The following ST7 variants were observed in gnomAD, a reference collection of about 807,000 sequenced individuals.
ST7 encodes suppressor of tumorigenicity 7 protein.
Under a neutral mutation model 78.7 loss-of-function variants are expected in ST7, and 28 were observed. The observed-to-expected ratio is 0.36, with a 90% CI of 0.26 to 0.49. The LOEUF is 0.49. Ranked by LOEUF, ST7 falls within the 20% of genes least tolerant of loss-of-function variation. The probability of loss-of-function intolerance (pLI) is 0.99; values close to 1 mark genes in which losing one functional copy is unlikely to be tolerated. For missense variants in ST7, 418 were observed against 696.0 expected (o/e 0.60, Z 4.49); for synonymous variants, 247 against 249.6 (o/e 0.99, Z 0.10).
chr7:117,143,853 G>A (rs1337065207), intron 9 of ST7, among the ~76,000 whole-genome samples: 1 of 152,044 alleles, frequency 6.6e-6, no homozygotes, highest in African/African-American at 2.4e-5. Context: ...TAAGTGAAGA[G>A]GAAAAGTATA....
At chr7:117,152,153 A>ATATATG (rs1356902037) in intron 9 of ST7, among the ~76,000 whole-genome samples, 39 of 133,336 alleles carry the variant, frequency 2.9e-4, no homozygotes, top group Non-Finnish European at 5.7e-4. Flanking sequence ...TATATATAAA[A>ATATATG]TATATGTATT....
At chr7:116,991,517 G>T (rs1320460602) in intron 1 of ST7, among the ~76,000 whole-genome samples, 1 of 152,108 alleles carries the variant, frequency 6.6e-6, no homozygotes, top group Non-Finnish European at 1.5e-5. Flanking sequence ...TGTGAGACTT[G>T]TTCACTACCA....
At chr7:117,204,693 G>A (rs1418863784) in intron 12 of ST7, among the ~76,000 whole-genome samples, 1 of 152,058 alleles carries the variant, frequency 6.6e-6, no homozygotes, top group African/African-American at 2.4e-5. Context: ...ACTCCTTATT[G>A]ATGTTTTAAA....
intron 12 of ST7, among the ~76,000 whole-genome samples, chr7:117,200,797 C>T (rs1810756829): frequency 6.9e-6 from 1 of 145,092 alleles, no homozygotes; most frequent in Non-Finnish European, 1.5e-5. Context: ...GACAGAAATG[C>T]ATTCCCATTA....
chr7:117,112,867 C>T (rs1040449562), intron 2 of ST7, among the ~76,000 whole-genome samples: 2 of 152,200 alleles, frequency 1.3e-5, no homozygotes, highest in Admixed American at 6.5e-5. Flanking sequence ...GAAATAGGCT[C>T]ATTTAACCTT....
intron 1 of ST7, among the ~76,000 whole-genome samples, chr7:117,065,361 A>C (rs551085014): frequency 2.0e-4 from 30 of 152,150 alleles, no homozygotes; most frequent in Non-Finnish European, 3.8e-4. Context: ...GGCACCCGCC[A>C]CCATGCCCGG....
chr7:117,010,883 G>A (rs1018034432), intron 1 of ST7, among the ~76,000 whole-genome samples: 6 of 152,286 alleles, frequency 3.9e-5, no homozygotes, highest in East Asian at 1.9e-4. Context: ...GTGGACTCGC[G>A]TGGCAGGCAC....
In ST7 at chr7:116,996,600, C is replaced by T. The variant is rs114295639; in HGVS notation, c.151+42909C>T. ...GCAGTTTAGGAATCTGTTATGTTCC[C>T]TACTCCAGTCCATTAGTTGTCATTT... On this transcript the variant is annotated intron_variant, in intron 1 of 15. Coordinates refer to ENST00000323984, the MANE Select transcript of ST7 (RefSeq NM_001369598.1). 1.5e-3 allele frequency among the ~76,000 whole-genome samples: 234 copies of T among 152,270 alleles called. 1 individual carries two copies. The highest frequency in any genetic ancestry group is 5.4e-3 in the African/African-American group (226 of 41,552).
chr7:117,048,276 T>A (rs1797595310), intron 1 of ST7, among the ~76,000 whole-genome samples: 1 of 152,128 alleles, frequency 6.6e-6, no homozygotes, highest in African/African-American at 2.4e-5. Context: ...CAAAAATACA[T>A]CATAATTTCT....
At chr7:117,148,981 G>A (rs181581758) in intron 9 of ST7, among the ~76,000 whole-genome samples, 1 of 152,268 alleles carries the variant, frequency 6.6e-6, no homozygotes, top group African/African-American at 2.4e-5. Flanking sequence ...CAGAAAACAG[G>A]CAAAGCCAGC....
At chr7:117,117,939 A>T (rs1185306319) in intron 2 of ST7, 1 of 152,168 alleles carries the variant, frequency 6.6e-6, no homozygotes, top group Non-Finnish European at 1.5e-5. Context: ...ATGGTGTGTA[A>T]ATTTATCATT....
chr7:117,197,474 G>A (rs773029872), intron 12 of ST7, among the ~76,000 whole-genome samples: 12 of 152,188 alleles, frequency 7.9e-5, no homozygotes, highest in Non-Finnish European at 1.3e-4. Context: ...ATGTGTAGAA[G>A]CACTTAAGGC....
intron 1 of ST7, among the ~76,000 whole-genome samples, chr7:117,040,110 A>G (rs1797129669): frequency 1.3e-5 from 2 of 152,210 alleles, no homozygotes; most frequent in Admixed American, 6.5e-5. Context: ...TCGGTGGCTC[A>G]CGCCTGTAAT....
chr7:117,028,868 G>T (rs750399596), intron 1 of ST7, among the ~76,000 whole-genome samples: 35 of 152,078 alleles, frequency 2.3e-4, no homozygotes, highest in Non-Finnish European at 4.3e-4. Flanking sequence ...GCTCAGCTGG[G>T]GTTGTGGGCA....
intron 1 of ST7, among the ~76,000 whole-genome samples, chr7:116,963,606 G>A (rs1792942212): frequency 6.6e-6 from 1 of 151,506 alleles, no homozygotes; most frequent in African/African-American, 2.4e-5. Flanking sequence ...ACTCTGTGGA[G>A]AACCCTAACT....
At chr7:117,067,494 G>T (rs1485131736) in intron 1 of ST7, among the ~76,000 whole-genome samples, 1 of 152,012 alleles carries the variant, frequency 6.6e-6, no homozygotes, top group Non-Finnish European at 1.5e-5. Context: ...GAGCAGGGTG[G>T]GTAGGTGTGT....
chr7:116,989,380 A>G (rs1014483995), intron 1 of ST7, among the ~76,000 whole-genome samples: 1 of 152,210 alleles, frequency 6.6e-6, no homozygotes, highest in Non-Finnish European at 1.5e-5. Flanking sequence ...TTTAGGTAAT[A>G]GCCTGTCAAT....
At chr7:117,221,508 C>A (rs1381814270) in intron 14 of ST7, among the ~76,000 whole-genome samples, 3 of 152,186 alleles carry the variant, frequency 2.0e-5, no homozygotes, top group South Asian at 2.1e-4. Context: ...GACGGGATAC[C>A]TTTTTTCCCT....
At chr7:117,150,573 C>A (rs891093405) in intron 9 of ST7, among the ~76,000 whole-genome samples, 1 of 152,122 alleles carries the variant, frequency 6.6e-6, no homozygotes, top group Admixed American at 6.5e-5. Context: ...CCATCTTTTC[C>A]CTGGCTCTTC....
Sources: allele counts gnomAD v4.1 joint callset (sites outside exome capture counted in the v4.1 genomes callset), GRCh38; gene constraint gnomAD v4.1.1; transcripts MANE v1.5; gene names NCBI Gene and HGNC (gene_info 2026-07-23, HGNC 2026-07-21).